The following NEIL3 variants were observed in gnomAD, a reference collection of about 807,000 sequenced individuals.
NEIL3 encodes the protein nei like DNA glycosylase 3, also known as endonuclease 8-like 3.
Under a neutral mutation model 57.5 loss-of-function variants are expected in NEIL3, and 48 were observed. The ratio of observed to expected loss-of-function variants is 0.83; its 90% CI spans 0.66 to 1.06. The LOEUF (loss-of-function observed/expected upper bound fraction) is 1.06, where lower values mean the gene tolerates loss of function less well. NEIL3 is among the 50% of genes least tolerant of loss of function. The probability of loss-of-function intolerance (pLI) is 0.00; values close to 1 mark genes in which losing one functional copy is unlikely to be tolerated. For synonymous variants in NEIL3, 261 were observed against 253.2 expected (o/e 1.03, Z -0.29); for missense variants, 717 against 739.1 (o/e 0.97, Z 0.35).
chr4:177,359,460 A>G (rs2110942250), intron 8 of NEIL3, among the ~76,000 whole-genome samples: 1 of 152,354 alleles, frequency 6.6e-6, no homozygotes, highest in South Asian at 2.1e-4. Flanking sequence ...GCATTGAGGC[A>G]TCATAGAAAC....
In NEIL3 at chr4:177,336,202, A is replaced by G. The variant is rs1023250712; in HGVS notation, c.508A>G (p.Lys170Glu). The G allele has an allele frequency of 5.6e-6, 9 of 1,614,078 alleles. No individual in the cohort carries two copies. The highest frequency in any genetic ancestry group is 4.4e-5 in the South Asian group (4 of 91,082). ...TTTCTTGAGAGCAGAAAGTGAAGTT[A>G]AAAAACAGAAAGGCCGGATGCTAGG... is the stretch of plus-strand genomic sequence containing the variant. ...FSFLRAESEV[K>E]KQKGRMLGDV... The change falls in exon 4 of 10, where the codon AAA becomes GAA. Residue 170 changes from lysine to glutamate, a missense_variant. Coordinates refer to ENST00000264596, the MANE Select transcript of NEIL3 (RefSeq NM_018248.3).
At position 177,322,587 on chromosome 4, in the gene NEIL3, TAA is replaced by T; in HGVS notation, c.278+8_278+9del. Reference sequence around the variant, plus strand: ...TTGGACCAAAAGCTTTACGGTAAGATAAGCCTGTACGATACATCTTATCTCTC... The same window carrying T: ...TTGGACCAAAAGCTTTACGGTAAGATGCCTGTACGATACATCTTATCTCTC... On this transcript the variant is annotated splice_region_variant and intron_variant, in intron 2 of 9. Transcript: ENST00000264596. The T allele has an allele frequency of 1.9e-6, 3 of 1,613,796 alleles. No individual in the cohort carries two copies. Among genetic ancestry groups the T allele is most frequent in the Non-Finnish European group, 1.7e-6 (2 of 1,179,730 alleles).
Position 177,322,454 on chromosome 4 carries a change from A to C in NEIL3, c.157-5A>C. 1.2e-6 allele frequency: 2 copies of C among 1,613,906 alleles called. No homozygotes were observed. The highest frequency in any genetic ancestry group is 1.7e-6 in the Non-Finnish European group (2 of 1,179,828). On this transcript the variant is annotated splice_polypyrimidine_tract_variant and splice_region_variant and intron_variant, in intron 1 of 9. Coordinates refer to ENST00000264596, the MANE Select transcript of NEIL3 (RefSeq NM_018248.3). Reference sequence around the variant, plus strand: ...GCTTATGTGTGTACATGTATTTTCCACTAGGCTGCTGCACTGAATAATGAT... The same window carrying C: ...GCTTATGTGTGTACATGTATTTTCCCCTAGGCTGCTGCACTGAATAATGAT...
chr4:177,321,559 C>T (rs1159132891), intron 1 of NEIL3, among the ~76,000 whole-genome samples: 1 of 152,102 alleles, frequency 6.6e-6, no homozygotes, highest in Non-Finnish European at 1.5e-5. Context: ...TTTCTTCTCC[C>T]ACAGAAGAAC....
chr4:177,346,630 C>T (rs1735225874), intron 6 of NEIL3, among the ~76,000 whole-genome samples: 1 of 152,196 alleles, frequency 6.6e-6, no homozygotes. Flanking sequence ...TCCGTGCATT[C>T]CCAGTGATGG....
At chr4:177,370,559 A>G in the NEIL3 span, among the ~76,000 whole-genome samples, 1 of 152,176 alleles carries the variant, frequency 6.6e-6, no homozygotes, top group African/African-American at 2.4e-5. Flanking sequence ...TTTGAATTGT[A>G]TTGACTTCTC....
At chr4:177,344,921 C>A (rs1467715263) in intron 6 of NEIL3, among the ~76,000 whole-genome samples, 1 of 152,110 alleles carries the variant, frequency 6.6e-6, no homozygotes, top group African/African-American at 2.4e-5. Flanking sequence ...GTATTATTTC[C>A]TTTAAAGAAA....
intron 6 of NEIL3, among the ~76,000 whole-genome samples, chr4:177,344,163 C>T (rs1288237934): frequency 1.3e-5 from 2 of 152,124 alleles, no homozygotes; most frequent in Admixed American, 1.3e-4. Flanking sequence ...CTCTTCCCTC[C>T]CGACCTGATT....
At chr4:177,371,216 C>A in the NEIL3 span, among the ~76,000 whole-genome samples, 1 of 152,226 alleles carries the variant, frequency 6.6e-6, no homozygotes, top group Non-Finnish European at 1.5e-5. Context: ...CACTCCCAAT[C>A]GCTAGCATGA....
At chr4:177,328,339 C>A (rs1369103353) in intron 2 of NEIL3, among the ~76,000 whole-genome samples, 1 of 152,138 alleles carries the variant, frequency 6.6e-6, no homozygotes, top group Non-Finnish European at 1.5e-5. Flanking sequence ...TCTTAACAAA[C>A]CACAGATCCA....
At chr4:177,350,960 C>T (rs1031202188) in intron 6 of NEIL3, among the ~76,000 whole-genome samples, 15 of 151,916 alleles carry the variant, frequency 9.9e-5, no homozygotes, top group African/African-American at 1.4e-4. Context: ...TTAATCCCAG[C>T]GCTTTGGGAG....
intron 6 of NEIL3, among the ~76,000 whole-genome samples, chr4:177,346,686 A>T (rs1011391346): frequency 3.9e-5 from 6 of 152,164 alleles, no homozygotes; most frequent in African/African-American, 1.4e-4. Context: ...TTTCTGGTAA[A>T]GATCTTTAGG....
At chr4:177,359,045 A>AG (rs1735546818) in intron 8 of NEIL3, among the ~76,000 whole-genome samples, 1 of 152,166 alleles carries the variant, frequency 6.6e-6, no homozygotes, top group African/African-American at 2.4e-5. Flanking sequence ...CCTTGAAGTT[A>AG]AAGTTTTGGA....
chr4:177,324,563 T>G lies in NEIL3; in HGVS notation c.278+1983T>G, dbSNP rs1324596262. Among the ~76,000 whole-genome samples the G allele has an allele frequency of 2.0e-5, 3 of 152,152 alleles. No homozygotes were observed. The East Asian group carries it at 5.8e-4, about 29-fold the overall frequency. ...TGATATATTCAAGTGCTCCTGATAGTGCCAAGGAATACTAAAAATTATTTG... is the reference window on the plus strand; with the variant it reads ...TGATATATTCAAGTGCTCCTGATAGGGCCAAGGAATACTAAAAATTATTTG... On this transcript the variant is annotated intron_variant, in intron 2 of 9. Coordinates refer to ENST00000264596, the MANE Select transcript of NEIL3 (RefSeq NM_018248.3).
chr4:177,320,119 G>C (rs1428110550), intron 1 of NEIL3, among the ~76,000 whole-genome samples: 1 of 152,102 alleles, frequency 6.6e-6, no homozygotes. Context: ...ATACTAATTG[G>C]TTGTCATGGA....
intron 1 of NEIL3, among the ~76,000 whole-genome samples, chr4:177,312,579 T>C (rs1167707657): frequency 1.3e-5 from 2 of 152,176 alleles, no homozygotes; most frequent in Non-Finnish European, 1.5e-5. Flanking sequence ...CCTGATAATA[T>C]AATACAAATG....
At chr4:177,361,389 T>C (rs1560924079) in intron 9 of NEIL3, among the ~76,000 whole-genome samples, 1 of 152,244 alleles carries the variant, frequency 6.6e-6, no homozygotes, top group Non-Finnish European at 1.5e-5. Flanking sequence ...AAAGAAAATA[T>C]TGATATGTTT....
chr4:177,338,069 T>C (rs1262297117), intron 4 of NEIL3, among the ~76,000 whole-genome samples: 1 of 152,034 alleles, frequency 6.6e-6, no homozygotes, highest in East Asian at 1.9e-4. Context: ...ATTTAGCTCT[T>C]AGCTTCTTAA....
rs771696709 is a variant in NEIL3 at position 177,362,330 on chromosome 4, T to C, written c.1677T>C (p.Arg559=). ...LSFPFCNHGK[R]STMKTVLKIG... is the part of the protein sequence containing the mutation. ...TCCCATTCTGCAACCATGGCAAGCG[T>C]TCCACCATGAAAACAGTATTGAAGA... Residue 559 remains arginine, a synonymous_variant, in exon 10 of 10, where the codon CGT becomes CGC. Transcript: ENST00000264596. The C allele has an allele frequency of 1.2e-6, 2 of 1,611,984 alleles. No individual in the cohort carries two copies. The highest frequency in any genetic ancestry group is 1.7e-6 in the Non-Finnish European group (2 of 1,179,254).
Sources: allele counts gnomAD v4.1 joint callset (sites outside exome capture counted in the v4.1 genomes callset), GRCh38; gene constraint gnomAD v4.1.1; transcripts MANE v1.5; gene names NCBI Gene and HGNC (gene_info 2026-07-23, HGNC 2026-07-21).